Variants in ANKS1B observed in about 807,000 individuals in gnomAD.
ANKS1B encodes the protein ankyrin repeat and sterile alpha motif domain-containing protein 1B.
A neutral mutation model predicts 148.3 loss-of-function variants in ANKS1B; 36 were observed. The observed-to-expected ratio is 0.24, with a 90% confidence interval of 0.19 to 0.32. The LOEUF (loss-of-function observed/expected upper bound fraction) is 0.32. Ranked by LOEUF, ANKS1B falls within the 10% of genes least tolerant of loss-of-function variation. The probability of loss-of-function intolerance (pLI) is 1.00; values close to 1 mark genes in which losing one functional copy is unlikely to be tolerated. For missense variants in ANKS1B, 1,157 were observed against 1,542.6 expected, an observed-to-expected ratio of 0.75 and a Z score of 4.19; for synonymous variants, 542 against 560.8, an observed-to-expected ratio of 0.97 and a Z score of 0.47.
chr12:98,812,582 A>AT (rs955672375), intron 19 of ANKS1B, among the ~76,000 whole-genome samples: 93 of 152,046 alleles, frequency 6.1e-4, no homozygotes, highest in African/African-American at 2.2e-3. Flanking sequence ...TTATTATTTT[A>AT]TTTTTTTTGA....
intron 8 of ANKS1B, among the ~76,000 whole-genome samples, chr12:99,720,121 C>T (rs2057920687): frequency 6.6e-6 from 1 of 152,172 alleles, no homozygotes; most frequent in Admixed American, 6.5e-5. Flanking sequence ...TCCTTTCCAT[C>T]ATAGAAATCT....
chr12:99,866,217 A>G (rs2090736623), intron 1 of ANKS1B, among the ~76,000 whole-genome samples: 2 of 152,262 alleles, frequency 1.3e-5, no homozygotes, highest in East Asian at 3.9e-4. Flanking sequence ...AAGCCCTGAT[A>G]AGGAATTAAA....
chr12:99,320,364 C>T (rs954223349), intron 12 of ANKS1B, among the ~76,000 whole-genome samples: 11 of 152,162 alleles, frequency 7.2e-5, no homozygotes, highest in Non-Finnish European at 1.2e-4. Flanking sequence ...CACATAGTCC[C>T]ATACTTTTTG....
At chr12:99,785,197 CTTTT>C (rs11313851) in intron 4 of ANKS1B, among the ~76,000 whole-genome samples, 1 of 137,334 alleles carries the variant, frequency 7.3e-6, no homozygotes, top group East Asian at 2.1e-4. Flanking sequence ...TTAGTTGTCT[CTTTT>C]TTTTTTTTTT....
intron 9 of ANKS1B, among the ~76,000 whole-genome samples, chr12:99,528,672 AG>A (rs2096955898): frequency 6.6e-6 from 1 of 152,220 alleles, no homozygotes; most frequent in Admixed American, 6.5e-5. Flanking sequence ...AGTGTCTAAA[AG>A]CCTAAGTGAT....
intron 9 of ANKS1B, among the ~76,000 whole-genome samples, chr12:99,629,232 C>T (rs2098136029): frequency 6.6e-6 from 1 of 152,072 alleles, no homozygotes; most frequent in African/African-American, 2.4e-5. Flanking sequence ...TTATTAAGAG[C>T]TTATAAGGGC....
chr12:99,476,695 G>A (rs1438510455), intron 10 of ANKS1B, among the ~76,000 whole-genome samples: 2 of 152,150 alleles, frequency 1.3e-5, no homozygotes, highest in African/African-American at 4.8e-5. Context: ...TTAAAATGTA[G>A]AAGAATAAAG....
At chr12:99,593,129 G>A (rs943751000) in intron 9 of ANKS1B, among the ~76,000 whole-genome samples, 2 of 152,030 alleles carry the variant, frequency 1.3e-5, no homozygotes, top group Non-Finnish European at 2.9e-5. Context: ...AAATAGAGGA[G>A]AGTATAATGA....
intron 1 of ANKS1B, among the ~76,000 whole-genome samples, chr12:99,827,087 C>T (rs558481277): frequency 6.6e-6 from 1 of 151,994 alleles, no homozygotes; most frequent in East Asian, 1.9e-4. Flanking sequence ...CCACTGCACT[C>T]CAGCCTGGGC....
At chr12:99,772,600 G>C (rs561403964) in intron 8 of ANKS1B, 1 of 177,394 alleles carries the variant, frequency 5.6e-6, no homozygotes, top group Admixed American at 6.2e-5. Flanking sequence ...GAAGGTTTTT[G>C]TCTTTTTTTG....
chr12:99,665,149 G>A (rs745460621), intron 8 of ANKS1B, among the ~76,000 whole-genome samples: 2 of 152,160 alleles, frequency 1.3e-5, no homozygotes, highest in Non-Finnish European at 2.9e-5. Flanking sequence ...AAAATGCTAG[G>A]TCACACGGTA....
At chr12:99,101,599 T>C (rs989598203) in intron 15 of ANKS1B, among the ~76,000 whole-genome samples, 1 of 152,166 alleles carries the variant, frequency 6.6e-6, no homozygotes, top group Non-Finnish European at 1.5e-5. Context: ...TCTCACTCTA[T>C]TACCCAGGCT....
intron 25 of ANKS1B, among the ~76,000 whole-genome samples, chr12:98,759,447 C>T (rs577585107): frequency 1.8e-4 from 28 of 152,242 alleles, no homozygotes; most frequent in East Asian, 1.2e-3. Flanking sequence ...AGATCTTCCT[C>T]GCTGTCCTCC....
In ANKS1B at chr12:98,829,272, C is replaced by T; in HGVS notation, c.2968G>A (p.Val990Ile). The T allele has an allele frequency of 6.2e-7, 1 of 1,613,982 alleles. No individual in the cohort carries two copies. The highest frequency in any genetic ancestry group is 8.5e-7 in the Non-Finnish European group (1 of 1,179,874). ...STYTTGGSLD[V>I]PHIIMQGDAR... Reference sequence around the variant, plus strand: ...TCGCCCTGCATGATAATGTGAGGAACGTCTAGGGAGCCACCAGTGGTGTAA... The same window carrying T: ...TCGCCCTGCATGATAATGTGAGGAATGTCTAGGGAGCCACCAGTGGTGTAA... The change falls in exon 19 of 27, where the codon GTT becomes ATT. Residue 990 changes from valine to isoleucine, a missense_variant. Physicochemically the swap from Val to Ile is conservative, Grantham distance 29. Transcript: ENST00000683438. This position sits in a 1 kb window ranked among gnomAD's most constrained non-coding sequence, Gnocchi z 5.2.
At chr12:99,762,001 T>A (rs1284928329) in intron 8 of ANKS1B, among the ~76,000 whole-genome samples, 1 of 151,714 alleles carries the variant, frequency 6.6e-6, no homozygotes, top group East Asian at 1.9e-4. Flanking sequence ...AGGTGAAAGA[T>A]CTCTACAATG....
chr12:99,376,187 C>T (rs1438820445), intron 12 of ANKS1B, among the ~76,000 whole-genome samples: 1 of 152,158 alleles, frequency 6.6e-6, no homozygotes, highest in Non-Finnish European at 1.5e-5. Flanking sequence ...GAACTCAATG[C>T]ATATGATAAA....
intron 14 of ANKS1B, among the ~76,000 whole-genome samples, chr12:99,167,405 T>G (rs2077296129): frequency 6.6e-6 from 1 of 152,026 alleles, no homozygotes; most frequent in Non-Finnish European, 1.5e-5. Flanking sequence ...ATAAATCAAT[T>G]TTTAAAAATG....
At chr12:99,951,566 C>T (rs1603484543) in intron 1 of ANKS1B, among the ~76,000 whole-genome samples, 1 of 152,104 alleles carries the variant, frequency 6.6e-6, no homozygotes, top group South Asian at 2.1e-4. Context: ...GGTAGGCTGG[C>T]TGTTAGCTGA....
intron 9 of ANKS1B, among the ~76,000 whole-genome samples, chr12:99,652,550 T>TA (rs200194085): frequency 8.6e-4 from 129 of 150,866 alleles, no homozygotes; most frequent in Non-Finnish European, 1.0e-3. Flanking sequence ...TAAATTCAGT[T>TA]AAAAAAAAAC....
Sources: gnomAD v4.1 joint callset for allele counts (sites outside exome capture counted in the v4.1 genomes callset) on GRCh38, gnomAD v4.1.1 for gene constraint, Gnocchi (gnomAD v3.1) non-coding constraint, MANE v1.5 for transcripts, NCBI Gene and HGNC (gene_info 2026-07-23, HGNC 2026-07-21) for gene names.